Variants in RGS22 observed in about 807,000 individuals in gnomAD.
The protein encoded by RGS22 is regulator of G protein signaling 22, also known as regulator of G-protein signaling 22.
A neutral mutation model predicts 172.9 loss-of-function variants in RGS22; 148 were observed. The ratio of observed to expected loss-of-function variants is 0.86; its 90% CI spans 0.75 to 0.98. The LOEUF (loss-of-function observed/expected upper bound fraction) is 0.98, where lower values mean the gene tolerates loss of function less well. Ranked by LOEUF, RGS22 falls within the 50% of genes least tolerant of loss-of-function variation. The pLI is 0.00. For missense variants in RGS22, 1,347 were observed against 1,440.8 expected (o/e 0.93, Z 1.05); for synonymous variants, 458 against 480.2 (o/e 0.95, Z 0.60).
rs1813840024 is a variant in RGS22, at chr8:100,105,325, A to G, written c.54+49T>C. ...TTTCTTCTATGATCTAATATTTGCT[A>G]TTTTTTTAAAGGCCAAAGAAAAAAA... On this transcript the variant is annotated intron_variant, in intron 2 of 27. Coordinates refer to ENST00000360863, the MANE Select transcript of RGS22 (RefSeq NM_015668.5). 4.2e-6 allele frequency: 6 copies of G among 1,428,032 alleles called. No individual in the cohort carries two copies. In the East Asian group the frequency reaches 9.1e-5, roughly 22 times the overall value. 88.5% of individuals were successfully genotyped at this position (1,428,032 alleles called of 1,614,324 possible).
chr8:100,060,891 G>A (rs936864664), intron 9 of RGS22, among the ~76,000 whole-genome samples: 1 of 152,152 alleles, frequency 6.6e-6, no homozygotes, highest in Non-Finnish European at 1.5e-5. Flanking sequence ...TAAAGCTGGA[G>A]CCATCACACT....
intron 14 of RGS22, among the ~76,000 whole-genome samples, chr8:100,032,635 AG>A (rs1299322886): frequency 1.3e-5 from 2 of 152,224 alleles, no homozygotes; most frequent in Non-Finnish European, 2.9e-5. Context: ...AAAGATATTC[AG>A]GGCTTGAACT....
At chr8:99,994,435 A>T (rs1013214010) in intron 20 of RGS22, among the ~76,000 whole-genome samples, 1 of 152,198 alleles carries the variant, frequency 6.6e-6, no homozygotes, top group African/African-American at 2.4e-5. Context: ...CACAAAATCA[A>T]TTGCAAAAAT....
intron 14 of RGS22, among the ~76,000 whole-genome samples, chr8:100,016,824 G>T (rs1219879576): frequency 6.6e-6 from 1 of 151,596 alleles, no homozygotes; most frequent in East Asian, 1.9e-4. Flanking sequence ...TAAATGACAA[G>T]TTACTGGGTT....
At chr8:100,105,130 G>C (rs937717762) in intron 2 of RGS22, among the ~76,000 whole-genome samples, 1 of 152,116 alleles carries the variant, frequency 6.6e-6, no homozygotes, top group Non-Finnish European at 1.5e-5. Context: ...ATTAAATGAG[G>C]CCATTTATGT....
chr8:100,094,436 C>T (rs1812813229), intron 2 of RGS22, among the ~76,000 whole-genome samples: 1 of 152,152 alleles, frequency 6.6e-6, no homozygotes. Flanking sequence ...CAGGAAGACA[C>T]TATAGCATAT....
intron 23 of RGS22, among the ~76,000 whole-genome samples, chr8:99,966,583 G>A (rs1810756439): frequency 1.3e-5 from 2 of 152,080 alleles, no homozygotes; most frequent in East Asian, 1.9e-4. Flanking sequence ...GCCAACAGAT[G>A]AGTAAAGAAG....
rs1345882243 is a variant in RGS22 at position 100,062,618 on chromosome 8, T to A, written c.1487A>T (p.Glu496Val). 1.2e-6 allele frequency: 2 copies of A among 1,604,092 alleles called. No homozygotes were observed. The highest frequency in any genetic ancestry group is 2.7e-5 in the African/African-American group (2 of 74,502). ...ATACAGAAGTAAAGGTTTTAAAACT[T>A]CAGACTGAATATTTCTTAAATGCTC... ...NEEHLRNIQS[E>V]VLKPLLLYWA... is the part of the protein sequence containing the mutation. The change falls in exon 9 of 28, where the codon GAA becomes GTA. Residue 496 changes from glutamate to valine, a missense_variant. Coordinates refer to ENST00000360863, the MANE Select transcript of RGS22 (RefSeq NM_015668.5).
chr8:100,031,642 TATC>T (rs1337498269), intron 14 of RGS22, among the ~76,000 whole-genome samples: 1 of 152,118 alleles, frequency 6.6e-6, no homozygotes, highest in Non-Finnish European at 1.5e-5. Flanking sequence ...TTTATTTAAA[TATC>T]ATTATGTATG....
chr8:99,983,732 T>A (rs902356350), intron 21 of RGS22, among the ~76,000 whole-genome samples: 20 of 152,316 alleles, frequency 1.3e-4, no homozygotes, highest in African/African-American at 4.6e-4. Flanking sequence ...AAAGTCATTA[T>A]TTTCCAAATC....
intron 22 of RGS22, among the ~76,000 whole-genome samples, chr8:99,979,984 A>C (rs1457890602): frequency 2.6e-5 from 4 of 152,350 alleles, no homozygotes. Context: ...AACTACAATT[A>C]TTTCAATTAG....
In RGS22 at chr8:100,071,380, A is replaced by T. The variant is rs761369913; in HGVS notation, c.583T>A (p.Ser195Thr). ...NLVIMKKFYV[S>T]LGEASYTQTK... ...GCTCATACTTTTACCTCACCAAGTG[A>T]TACATAGAACTTTTTCATAATTACA... The change falls in exon 6 of 28, where the codon TCA becomes ACA. Residue 195 changes from serine (S) to threonine (T), a missense_variant. Coordinates refer to ENST00000360863, the MANE Select transcript of RGS22 (RefSeq NM_015668.5). 9.8e-5 allele frequency: 157 copies of T among 1,608,144 alleles called. No individual in the cohort carries two copies. Among genetic ancestry groups the T allele is most frequent in the Non-Finnish European group, 1.2e-4 (146 of 1,177,824 alleles).
chr8:100,004,194 C>T, intron 16 of RGS22, 96 bp from the exon 17 acceptor site: 1 of 1,383,746 alleles, frequency 7.2e-7, no homozygotes, highest in Non-Finnish European at 9.4e-7. Flanking sequence ...AACCATTAGG[C>T]CAAAGCCATT....
intron 22 of RGS22, among the ~76,000 whole-genome samples, chr8:99,979,381 T>C (rs16897825): frequency 0.027 from 4,111 of 152,284 alleles, 160 homozygotes; most frequent in African/African-American, 0.092. Flanking sequence ...TTGTTAGAAG[T>C]TGCAATTGAG....
chr8:100,066,716 C>T (rs1403973235), intron 6 of RGS22, among the ~76,000 whole-genome samples: 1 of 152,120 alleles, frequency 6.6e-6, no homozygotes, highest in Non-Finnish European at 1.5e-5. Flanking sequence ...TCTCACCTGG[C>T]TCAGTGTTTT....
At chr8:99,984,130 C>T (rs1295688863) in intron 21 of RGS22, among the ~76,000 whole-genome samples, 3 of 151,844 alleles carry the variant, frequency 2.0e-5, no homozygotes, top group Admixed American at 6.6e-5. Flanking sequence ...CAAAAATATA[C>T]AAAATATTAG....
intron 18 of RGS22, among the ~76,000 whole-genome samples, chr8:100,001,219 T>TATATATATATATATACACAC (rs1402594104): frequency 7.5e-6 from 1 of 132,966 alleles, no homozygotes; most frequent in African/African-American, 2.8e-5. Flanking sequence ...TATATATATA[T>TATATATATATATATACACAC]ACATATATAT....
At chr8:100,059,796 T>C (rs895629067) in intron 9 of RGS22, among the ~76,000 whole-genome samples, 3 of 152,236 alleles carry the variant, frequency 2.0e-5, no homozygotes, top group South Asian at 2.1e-4. Context: ...TATTGTACTA[T>C]AGTTATGCAA....
intron 14 of RGS22, among the ~76,000 whole-genome samples, chr8:100,032,992 A>G (rs1378338423): frequency 1.3e-5 from 2 of 152,254 alleles, no homozygotes; most frequent in South Asian, 2.1e-4. Context: ...ACAATGTACC[A>G]GAATCTCTGG....
Sources: gnomAD v4.1 joint callset for allele counts (sites outside exome capture counted in the v4.1 genomes callset) on GRCh38, gnomAD v4.1.1 for gene constraint, MANE v1.5 for transcripts, NCBI Gene and HGNC (gene_info 2026-07-23, HGNC 2026-07-21) for gene names.